CLCN4: variants seen among roughly 807,000 people sequenced by gnomAD.
CLCN4 encodes H(+)/Cl(-) exchange transporter 4.
In CLCN4, 1 loss-of-function variant was observed where a neutral mutation model predicts 41.7. The observed-to-expected ratio is 0.02, with a 90% CI of 0.01 to 0.11. CLCN4 has a LOEUF of 0.11. CLCN4 is among the 10% of genes least tolerant of loss of function. CLCN4 has a pLI of 1.00. For synonymous variants in CLCN4, 277 were observed against 285.8 expected (o/e 0.97, Z 0.31); for missense variants, 287 against 661.0 (o/e 0.43, Z 6.20).
At chrX:10,173,263 G>A (rs115774386) in intron 2 of CLCN4, among the ~76,000 whole-genome samples, 1,114 of 111,313 alleles carry the variant, frequency 0.01, 13 homozygotes, top group African/African-American at 0.035. Context: ...TCCAGGATCA[G>A]AATCTGCCGT....
At chrX:10,187,675 C>T (rs1052424809) in intron 4 of CLCN4, 61 bp downstream of exon 4, 9 of 885,139 alleles carry the variant, frequency 1.0e-5, no homozygotes, top group South Asian at 4.0e-5. Flanking sequence ...CCTCAAAACA[C>T]GAACCCTCTG....
intron 2 of CLCN4, among the ~76,000 whole-genome samples, chrX:10,177,069 C>T (rs750326274): frequency 5.0e-4 from 56 of 112,674 alleles, no homozygotes; most frequent in Non-Finnish European, 8.2e-4. Flanking sequence ...TGCCTGCTTT[C>T]GTACAGCTTA....
intron 1 of CLCN4, among the ~76,000 whole-genome samples, chrX:10,157,565 T>G (rs1922983957): frequency 1.8e-5 from 2 of 113,046 alleles, no homozygotes; most frequent in Non-Finnish European, 3.7e-5. Flanking sequence ...TGTGCACTGC[T>G]TAAGTTTGAA....
At chrX:10,162,908 T>C in intron 2 of CLCN4, among the ~76,000 whole-genome samples, 1 of 113,275 alleles carries the variant, frequency 8.8e-6, no homozygotes, top group African/African-American at 3.2e-5. Flanking sequence ...ATAAAGCAGA[T>C]AGAGCCAAAT....
intron 2 of CLCN4, among the ~76,000 whole-genome samples, chrX:10,168,335 C>T (rs1270265989): frequency 9.0e-6 from 1 of 111,595 alleles, no homozygotes; most frequent in African/African-American, 3.3e-5. Flanking sequence ...CAGGGAAACA[C>T]GCCACAGCCT....
chrX:10,169,064 T>C (rs892911687), intron 2 of CLCN4, among the ~76,000 whole-genome samples: 1 of 111,323 alleles, frequency 9.0e-6, no homozygotes, highest in African/African-American at 3.3e-5. Flanking sequence ...TGCTATGCCT[T>C]GGTGTAGTTT....
chrX:10,169,762 ATTCTTTTTTTTTCTTT>A lies in CLCN4; in HGVS notation c.-12+11219_-12+11234del, dbSNP rs1180372193. Among the ~76,000 whole-genome samples the A allele has an allele frequency of 1.2e-4, 11 of 88,904 alleles. No individual in the cohort carries two copies. In the East Asian group the frequency reaches 3.2e-3, roughly 26 times the overall value. 77.2% of individuals were successfully genotyped at this position (88,904 alleles called of 115,157 possible). On this transcript the variant is annotated intron_variant, in intron 2 of 12. Transcript: ENST00000380833. ...CATGTACAGATAAAAATCTTTCTTG[ATTCTTTTTTTTTCTTT>A]TTCTTTTCTTTTCTTTTTTTTTTTT...
Position 10,158,386 on chromosome X carries a change from TC to T in CLCN4, c.-171del, listed in dbSNP as rs1923006201. On this transcript the variant is annotated 5_prime_UTR_variant, in exon 2 of 13. Transcript: ENST00000380833. Reference sequence around the variant, plus strand: ...TCACCTCCCGGGACTTCCAGGGTCTTCCCCCCACCCCGCGCACACCTCCCTG... The same window carrying T: ...TCACCTCCCGGGACTTCCAGGGTCTTCCCCCACCCCGCGCACACCTCCCTG... 6.8e-6 allele frequency: 2 copies of T among 296,264 alleles called. No individual in the cohort carries two copies. Among genetic ancestry groups the T allele is most frequent in the Non-Finnish European group, 1.2e-5 (2 of 169,257 alleles). The allele number at this position is 296,264 out of a possible 1,213,427, so 24.4% of individuals were successfully genotyped here. A position where few individuals can be genotyped will look rare whatever the true frequency, so the allele number is the denominator to read the frequency against.
At chrX:10,209,166 G>C (rs768514011) in intron 9 of CLCN4, among the ~76,000 whole-genome samples, 4 of 111,096 alleles carry the variant, frequency 3.6e-5, no homozygotes, top group Non-Finnish European at 5.7e-5. Flanking sequence ...CACAGAGTGA[G>C]TGTGTCCCCC....
chrX:10,223,425 C>T (rs989323771), intron 12 of CLCN4, among the ~76,000 whole-genome samples: 3 of 111,867 alleles, frequency 2.7e-5, no homozygotes, highest in South Asian at 3.7e-4. Flanking sequence ...AAAGCAAAAT[C>T]GCACTCTCTC....
At position 10,162,841 on chromosome X, in the gene CLCN4, C is replaced by T. The variant is rs758509364; in HGVS notation, c.-12+4290C>T. On this transcript the variant is annotated intron_variant, in intron 2 of 12. Transcript: ENST00000380833. ...CCCAGATGACACTTTGAAGATCAGGCTTCAAGATCAATAATTTACTTTTAA... is the reference window on the plus strand; with the variant it reads ...CCCAGATGACACTTTGAAGATCAGGTTTCAAGATCAATAATTTACTTTTAA... 6.2e-5 allele frequency among the ~76,000 whole-genome samples: 7 copies of T among 112,427 alleles called. No homozygotes were observed. The South Asian group carries it at 2.6e-3, about 41-fold the overall frequency.
intron 6 of CLCN4, among the ~76,000 whole-genome samples, chrX:10,198,694 C>T (rs747724797): frequency 9.8e-5 from 11 of 112,189 alleles, no homozygotes; most frequent in Middle Eastern, 4.2e-3. Context: ...GTGACCTCAC[C>T]GATTAAGAGG....
chrX:10,208,710 CAT>C, intron 9 of CLCN4, 120 bp downstream of exon 9: 1 of 579,415 alleles, frequency 1.7e-6, no homozygotes, highest in East Asian at 3.5e-5. Flanking sequence ...TGAATGTTCT[CAT>C]GTGCCAGGCA....
At chrX:10,181,413 G>T (rs1305635345) in intron 2 of CLCN4, among the ~76,000 whole-genome samples, 2 of 111,263 alleles carry the variant, frequency 1.8e-5, no homozygotes, top group Non-Finnish European at 3.8e-5. Context: ...GAATCCTTTG[G>T]AATGGCTAAA....
At position 10,220,636 on chromosome X, in the gene CLCN4, A is replaced by G. The variant is rs766916230; in HGVS notation, c.1976-25A>G. On this transcript the variant is annotated intron_variant, in intron 11 of 12. Transcript: ENST00000380833. ...TCAGCAAGGGGTTTTTGTGTGGCTC[A>G]TTGTTCCTGCTCACCCCATTCTAGA... 10 of 1,169,128 alleles carry G rather than the reference A, an allele frequency of 8.6e-6. No homozygotes were observed. The East Asian group carries it at 2.7e-4, about 31-fold the overall frequency.
Position 10,208,359 on chromosome X carries a change from C to T in CLCN4, c.1158C>T (p.Pro386=). The T allele has an allele frequency of 8.3e-7, 1 of 1,211,305 alleles. No individual in the cohort carries two copies. Among genetic ancestry groups the T allele is most frequent in the Non-Finnish European group, 1.1e-6 (1 of 895,251 alleles). The change falls in exon 9 of 13, where the codon CCC becomes CCT. Residue 386 remains proline (P), a synonymous_variant. Coordinates refer to ENST00000380833, the MANE Select transcript of CLCN4 (RefSeq NM_001830.4). ...CCATCACTGCCATCATTGCCTACCC[C>T]AATCCCTACACACGCCAGAGCACCA... ...VTAITAIIAY[P]NPYTRQSTSE...
intron 2 of CLCN4, among the ~76,000 whole-genome samples, chrX:10,178,078 G>A (rs1350862499): frequency 9.0e-6 from 1 of 110,734 alleles, no homozygotes; most frequent in African/African-American, 3.3e-5. Flanking sequence ...CCACTTATAC[G>A]AAATGTCCAG....
At chrX:10,204,099 A>G (rs1201785095) in intron 6 of CLCN4, among the ~76,000 whole-genome samples, 1 of 112,085 alleles carries the variant, frequency 8.9e-6, no homozygotes. Context: ...TTGATCATTG[A>G]TGATGCTTCT....
At position 10,203,928 on chromosome X, in the gene CLCN4, A is replaced by G. The variant is rs1485170773; in HGVS notation, c.556-2430A>G. 2.7e-5 allele frequency among the ~76,000 whole-genome samples: 3 copies of G among 111,842 alleles called. No homozygotes were observed. The Admixed American group carries it at 2.8e-4, about 11-fold the overall frequency. Reference sequence around the variant, plus strand: ...AAGAGATAACCTTGTCCCATTATGTATTACATAATGGGAAAACCAGAAATT... The same window carrying G: ...AAGAGATAACCTTGTCCCATTATGTGTTACATAATGGGAAAACCAGAAATT... On this transcript the variant is annotated intron_variant, in intron 6 of 12. Coordinates refer to ENST00000380833, the MANE Select transcript of CLCN4 (RefSeq NM_001830.4).
Sources: gnomAD v4.1 joint callset for allele counts (sites outside exome capture counted in the v4.1 genomes callset) on GRCh38, gnomAD v4.1.1 for gene constraint, MANE v1.5 for transcripts, NCBI Gene and HGNC (gene_info 2026-07-23, HGNC 2026-07-21) for gene names.